Variants in TMC6 observed in about 807,000 individuals in gnomAD.
TMC6 encodes the protein transmembrane channel-like protein 6.
In TMC6, 71 loss-of-function variants were observed where a neutral mutation model predicts 95.4. The observed-to-expected ratio is 0.74, with a 90% CI of 0.61 to 0.91. The LOEUF (loss-of-function observed/expected upper bound fraction) is 0.91, where lower values mean the gene tolerates loss of function less well. Among genes scored for constraint, TMC6 ranks in the 40% least tolerant of loss-of-function variants. The pLI is 0.00. For synonymous variants in TMC6, 514 were observed against 483.1 expected (o/e 1.06, Z -0.84); for missense variants, 1,074 against 1,079.1 (o/e 1.00, Z 0.07).
intron 18 of TMC6, among the ~76,000 whole-genome samples, chr17:78,115,288 G>C (rs888323445): frequency 6.6e-6 from 1 of 152,212 alleles, no homozygotes; most frequent in African/African-American, 2.4e-5. Flanking sequence ...CCCTGCCCTC[G>C]CCTTGGCAGA....
In TMC6 at chr17:78,112,769, C is replaced by A. The variant is rs974702586; in HGVS notation, c.*379G>T. On this transcript the variant is annotated 3_prime_UTR_variant, in exon 20 of 20. Coordinates refer to ENST00000590602, the MANE Select transcript of TMC6 (RefSeq NM_001127198.5). ...AAGCGAATCAAGCCCTGGCGCGGTC[C>A]AGCCCCTGCCATCTGGGGCTTGGCC... The A allele has an allele frequency of 5.1e-5, 18 of 350,788 alleles. No individual in the cohort carries two copies. The highest frequency in any genetic ancestry group is 2.7e-4 in the Admixed American group (6 of 21,938). 21.7% of individuals were successfully genotyped at this position (350,788 alleles called of 1,614,324 possible).
At chr17:78,120,241 C>T (rs887135479) in intron 13 of TMC6, 1 of 361,392 alleles carries the variant, frequency 2.8e-6, no homozygotes, top group Non-Finnish European at 5.4e-6. Flanking sequence ...CTCACTACAA[C>T]CTCCGCTTCC....
At position 78,108,276 on chromosome 17, in the gene TMC6, G is replaced by A. The variant is rs533230309; in HGVS notation, c.*4872C>T. 2.1e-4 allele frequency: 32 copies of A among 154,576 alleles called. No individual in the cohort carries two copies. In the Middle Eastern group the frequency reaches 2.1e-3, roughly 10 times the overall value. The allele number at this position is 154,576 out of a possible 1,614,324, so 9.6% of individuals were successfully genotyped here. On this transcript the variant is annotated 3_prime_UTR_variant, in exon 20 of 20. Coordinates refer to ENST00000590602, the MANE Select transcript of TMC6 (RefSeq NM_001127198.5). ...GCCCCCCCCCACCCATGGGGAAGGT[G>A]GTGTGCTGCTGGCTCTGACCATACT...
chr17:78,116,222 T>C (rs2074103405), intron 18 of TMC6, among the ~76,000 whole-genome samples: 1 of 149,668 alleles, frequency 6.7e-6, no homozygotes, highest in Non-Finnish European at 1.5e-5. Context: ...AGTGATCTGC[T>C]CACCTCGGCC....
At position 78,128,207 on chromosome 17, in the gene TMC6, C is replaced by T. The variant is rs2074834051; in HGVS notation, c.-75+405G>A. 6.6e-6 allele frequency among the ~76,000 whole-genome samples: 1 copy of T among 152,114 alleles called. No homozygotes were observed. The highest frequency in any genetic ancestry group is 2.1e-4 in the South Asian group (1 of 4,822). On this transcript the variant is annotated intron_variant, in intron 1 of 19. Coordinates refer to ENST00000590602, the MANE Select transcript of TMC6 (RefSeq NM_001127198.5). The surrounding 1 kb of genome is among the most constrained non-coding windows in gnomAD (Gnocchi z 4.0). ...CCACCCCAGCCGGCAGCGAGCTTCC[C>T]GGGAGCAGCCGCTACCCAGGGAGAA...
In TMC6 at chr17:78,121,782, AAC is replaced by A; in HGVS notation, c.1228-73_1228-72del. The stretch of plus-strand genomic sequence containing the variant: ...ACACGCAGACGTGCAGACACAGCAC[AAC>A]ACACACAACACACATGAGACACACC... On this transcript the variant is annotated intron_variant, in intron 10 of 19. Coordinates refer to ENST00000590602, the MANE Select transcript of TMC6 (RefSeq NM_001127198.5). This position sits in a 1 kb window ranked among gnomAD's most constrained non-coding sequence, Gnocchi z 5.6. The A allele has an allele frequency of 1.3e-6, 2 of 1,492,854 alleles. No homozygotes were observed. The highest frequency in any genetic ancestry group is 1.8e-6 in the Non-Finnish European group (2 of 1,120,120). The allele number at this position is 1,492,854 out of a possible 1,614,324, so 92.5% of individuals were successfully genotyped here.
intron 15 of TMC6, chr17:78,118,215 A>T: frequency 1.8e-6 from 1 of 547,692 alleles, no homozygotes; most frequent in Non-Finnish European, 3.3e-6. Context: ...TCCCCACTGG[A>T]ACATGGTCCC....
rs2144745423 is a variant in TMC6 at position 78,108,533 on chromosome 17, C to CAAGGGTGTGCA, written c.*4604_*4614dup. ...GCGCTGGGAGAACAAGGTCAGCGCCCAAGGGTGTGCAAAGGATGTGGCAGG... is the reference window on the plus strand; with the variant it reads ...GCGCTGGGAGAACAAGGTCAGCGCCCAAGGGTGTGCAAAGGGTGTGCAAAGGATGTGGCAGG... On this transcript the variant is annotated 3_prime_UTR_variant, in exon 20 of 20. Transcript: ENST00000590602. 6.5e-6 allele frequency: 1 copy of CAAGGGTGTGCA among 154,968 alleles called. No homozygotes were observed. The highest frequency in any genetic ancestry group is 1.9e-4 in the East Asian group (1 of 5,180). The allele number at this position is 154,968 out of a possible 1,614,324, so 9.6% of individuals were successfully genotyped here. A position where few individuals can be genotyped will look rare whatever the true frequency, so the allele number is the denominator to read the frequency against.
chr17:78,125,145 C>T lies in TMC6; in HGVS notation c.536+13G>A, dbSNP rs560122149. 15 of 1,554,956 alleles carry T rather than the reference C, an allele frequency of 9.6e-6. No individual in the cohort carries two copies. The South Asian group carries it at 1.4e-4, about 15-fold the overall frequency. On this transcript the variant is annotated intron_variant, in intron 6 of 19. Coordinates refer to ENST00000590602, the MANE Select transcript of TMC6 (RefSeq NM_001127198.5). Reference sequence around the variant, plus strand: ...GCAGCAGCGGCGGCATGGTCAGGGTCGGGGCTGCTCACCGCAGGCTGCGTT... The same window carrying T: ...GCAGCAGCGGCGGCATGGTCAGGGTTGGGGCTGCTCACCGCAGGCTGCGTT...
chr17:78,126,100 C>T lies in TMC6; in HGVS notation c.271+177G>A, dbSNP rs992019146. On this transcript the variant is annotated intron_variant, in intron 4 of 19. Coordinates refer to ENST00000590602, the MANE Select transcript of TMC6 (RefSeq NM_001127198.5). ...GGAGCCCAGCGAGGGCCACATGGGG[C>T]TGTGCTGGGCCCCCAGGCAGCAGAT... 5 of 1,114,502 alleles carry T rather than the reference C, an allele frequency of 4.5e-6. No homozygotes were observed. The African/African-American group carries it at 4.7e-5, about 10-fold the overall frequency. 69.0% of individuals were successfully genotyped at this position (1,114,502 alleles called of 1,614,324 possible). A position where few individuals can be genotyped will look rare whatever the true frequency, so the allele number is the denominator to read the frequency against.
Position 78,126,300 on chromosome 17 carries a change from G to T in TMC6, c.248C>A (p.Ala83Asp). 1 of 1,564,490 alleles carries T rather than the reference G, an allele frequency of 6.4e-7. No individual in the cohort carries two copies. The change falls in exon 4 of 20, where the codon GCC (alanine) becomes GAC (aspartate). Residue 83 changes from alanine (A) to aspartate (D), a missense_variant. By Grantham distance (126) the Ala-to-Asp change is moderately radical. Transcript: ENST00000590602. The part of the protein sequence containing the change: ...TQSTATLRIL[A>D]SMPSRTIGRS... ...ACCAATGGTGCGGCTGGGCATGCTG[G>T]CCAGGATGCGGAGTGTGGCCGTGCT...
rs1458876105 is a variant in TMC6 at position 78,109,360 on chromosome 17, A to C, written c.*3788T>G. 4 of 434,154 alleles carry C rather than the reference A, an allele frequency of 9.2e-6. No individual in the cohort carries two copies. Among genetic ancestry groups the C allele is most frequent in the African/African-American group, 2.0e-5 (1 of 48,788 alleles). The allele number at this position is 434,154 out of a possible 1,614,324, so 26.9% of individuals were successfully genotyped here. On this transcript the variant is annotated 3_prime_UTR_variant, in exon 20 of 20. Coordinates refer to ENST00000590602, the MANE Select transcript of TMC6 (RefSeq NM_001127198.5). ...CGGTGTCTACGGATGGACCAAGAAA[A>C]CCTACGCAGGATCCACGTGGAAACA...
At chr17:78,123,186 C>G in intron 9 of TMC6, 1 of 330,160 alleles carries the variant, frequency 3.0e-6, no homozygotes, top group Non-Finnish European at 5.9e-6. Flanking sequence ...CCAGTGCTCC[C>G]ATAACACTGG....
At chr17:78,116,048 C>T (rs367774654) in intron 18 of TMC6, among the ~76,000 whole-genome samples, 6 of 152,166 alleles carry the variant, frequency 3.9e-5, no homozygotes, top group East Asian at 1.9e-4. Context: ...CTCGCTCTGT[C>T]GCCCGGGCTG....
upstream of TMC6, chr17:78,131,662 A>C (rs542262836): frequency 1.3e-6 from 2 of 1,567,632 alleles, no homozygotes; most frequent in African/African-American, 2.7e-5. Flanking sequence ...TGGGAGGCAG[A>C]GATGGAGCGG....
intron 8 of TMC6, 139 bp downstream of exon 8, chr17:78,124,385 G>A (rs1046602932): frequency 2.9e-5 from 41 of 1,426,052 alleles, no homozygotes; most frequent in East Asian, 2.6e-4. Flanking sequence ...AGGGGGAGGC[G>A]GGGAGCTGGC....
At chr17:78,125,663 G>T in intron 5 of TMC6, 63 bp downstream of exon 5, 1 of 1,544,160 alleles carries the variant, frequency 6.5e-7, no homozygotes, top group Non-Finnish European at 8.7e-7. Flanking sequence ...AGGCCAGGCT[G>T]GCCTCTTGCA....
upstream of TMC6, chr17:78,131,636 G>C: frequency 6.4e-7 from 1 of 1,555,534 alleles, no homozygotes; most frequent in Non-Finnish European, 8.7e-7. Flanking sequence ...CTGGGGTGCC[G>C]GAGCCGGAGG....
chr17:78,114,047 T>C (rs2144870547), intron 18 of TMC6: 1 of 309,532 alleles, frequency 3.2e-6, no homozygotes, highest in East Asian at 8.8e-5. Context: ...ACTTCGTGGC[T>C]TAAAACACCA....
Sources: allele counts gnomAD v4.1 joint callset (sites outside exome capture counted in the v4.1 genomes callset), GRCh38; gene constraint gnomAD v4.1.1; non-coding constraint Gnocchi (gnomAD v3.1); transcripts MANE v1.5; gene names NCBI Gene and HGNC (gene_info 2026-07-23, HGNC 2026-07-21).